Variants in MMRN1 observed in about 807,000 individuals in gnomAD.
MMRN1 encodes the protein multimerin 1.
A neutral mutation model predicts 100.7 loss-of-function variants in MMRN1; 94 were observed. That is an observed-to-expected ratio of 0.93 (90% CI 0.79 to 1.11). The LOEUF (loss-of-function observed/expected upper bound fraction) is 1.11. Among genes scored for constraint, MMRN1 ranks in the 50% least tolerant of loss-of-function variants. The pLI is 0.00. For missense variants in MMRN1, 1,606 were observed against 1,439.1 expected, an observed-to-expected ratio of 1.12 and a Z score of -1.88; for synonymous variants, 575 against 505.0, an observed-to-expected ratio of 1.14 and a Z score of -1.86.
At position 89,953,123 on chromosome 4, in the gene MMRN1, C is replaced by A. The variant is rs1022503464; in HGVS notation, c.3392C>A (p.Thr1131Asn). 1 of 1,613,770 alleles carries A rather than the reference C, an allele frequency of 6.2e-7. No individual in the cohort carries two copies. Among genetic ancestry groups the A allele is most frequent in the Middle Eastern group, 1.7e-4 (1 of 6,058 alleles). The change falls in exon 8 of 8, where the codon ACC becomes AAC. Residue 1131 changes from threonine to asparagine, a missense_variant. By Grantham distance (65) the Thr-to-Asn change is moderately conservative. Transcript: ENST00000264790. ...NLDVNYGASY[T>N]PRTGKFRIPY... is the part of the protein sequence containing the mutation. ...GATGTCAATTATGGAGCTTCATATA[C>A]CCCAAGAACTGGAAAATTTAGAATT...
At position 89,935,766 on chromosome 4, in the gene MMRN1, A is replaced by G. The variant is rs748810042; in HGVS notation, c.2086A>G (p.Thr696Ala). 1 of 1,612,296 alleles carries G rather than the reference A, an allele frequency of 6.2e-7. No individual in the cohort carries two copies. Among genetic ancestry groups the G allele is most frequent in the Non-Finnish European group, 8.5e-7 (1 of 1,179,420 alleles). The stretch of plus-strand genomic sequence containing the variant: ...TCTAAATTTTATTATCAAAGAACTT[A>G]CAAAAAGACACAACTTACTTAGAAA... Reference protein sequence around the residue: ...NSLNFIIKELTKRHNLLRNEV... With the variant: ...NSLNFIIKELAKRHNLLRNEV... Residue 696 changes from threonine (T) to alanine (A), a missense_variant, in exon 6 of 8, where the codon ACA (threonine) becomes GCA (alanine). By Grantham distance (58) the Thr-to-Ala change is moderately conservative. Coordinates refer to ENST00000264790, the MANE Select transcript of MMRN1 (RefSeq NM_007351.3).
In MMRN1 at chr4:89,924,365, T is replaced by A. The variant is rs1486615408; in HGVS notation, c.955+1093T>A. Among the ~76,000 whole-genome samples the A allele has an allele frequency of 7.9e-5, 12 of 152,148 alleles. 1 individual carries two copies. Among genetic ancestry groups the A allele is most frequent in the Admixed American group, 7.9e-4 (12 of 15,268 alleles). On this transcript the variant is annotated intron_variant, in intron 4 of 7. Transcript: ENST00000264790. ...GTTAAAACATTTTAGAAATCTAAGC[T>A]ATTATACTACTCTTTACAAATTTCT...
At chr4:89,884,234 A>G (rs1720884382) in intron 1 of MMRN1, among the ~76,000 whole-genome samples, 1 of 152,150 alleles carries the variant, frequency 6.6e-6, no homozygotes, top group African/African-American at 2.4e-5. Flanking sequence ...AATTTAATCA[A>G]CAAAAATCTG....
At position 89,948,697 on chromosome 4, in the gene MMRN1, T is replaced by C. The variant is rs562384927; in HGVS notation, c.3119-2908T>C. 1.7e-4 allele frequency among the ~76,000 whole-genome samples: 26 copies of C among 152,324 alleles called. No individual in the cohort carries two copies. In the East Asian group the frequency reaches 5.0e-3, roughly 29 times the overall value. ...ACAATATGTCCAGTTCTGGGTGCCA[T>C]GGACATGATTTTATATTTTAAAATG... is the stretch of plus-strand genomic sequence containing the variant. On this transcript the variant is annotated intron_variant, in intron 6 of 7. Transcript: ENST00000264790.
At chr4:89,894,812 T>C, upstream of MMRN1, 1 of 1,314,278 alleles carries the variant, frequency 7.6e-7, no homozygotes, top group Non-Finnish European at 1.0e-6. Flanking sequence ...GAAACCGAAC[T>C]TCCTGAGTAC....
At chr4:89,906,220 G>A (rs1721559842) in intron 1 of MMRN1, among the ~76,000 whole-genome samples, 1 of 151,430 alleles carries the variant, frequency 6.6e-6, no homozygotes, top group African/African-American at 2.4e-5. Flanking sequence ...TATTTATGAT[G>A]CCTTCTCTTA....
In MMRN1 at chr4:89,895,206, C is replaced by G. The variant is rs778273336; in HGVS notation, c.235C>G (p.Leu79Val). ...PEARTSEDSLLKSTLPPSETS... is the reference protein window; with the variant it reads ...PEARTSEDSLVKSTLPPSETS... ...GGCAAGAACTTCTGAAGACAGTCTT[C>G]TTAAATCAACACTGCCTCCCTCAGA... The change falls in exon 1 of 8, where the codon CTT becomes GTT. Residue 79 changes from leucine (L) to valine (V), a missense_variant. Transcript: ENST00000264790. 5.0e-6 allele frequency: 8 copies of G among 1,613,722 alleles called. No homozygotes were observed. Among genetic ancestry groups the G allele is most frequent in the Non-Finnish European group, 6.8e-6 (8 of 1,179,908 alleles).
chr4:89,934,127 TTTCTC>T (rs1443818162), intron 5 of MMRN1, among the ~76,000 whole-genome samples: 1 of 152,076 alleles, frequency 6.6e-6, no homozygotes, highest in Non-Finnish European at 1.5e-5. Flanking sequence ...ACTTGCAAGT[TTTCTC>T]TTCTCTTTTT....
In MMRN1 at chr4:89,935,264, C is replaced by T; in HGVS notation, c.1584C>T (p.Asp528=). ...EQLLSTEQVS[D]QKNAPAAESV... ...TTTTATCAACTGAACAGGTATCAGA[C>T]CAGAAGAATGCTCCAGCTGCTGAGT... is the stretch of plus-strand genomic sequence containing the variant. The change falls in exon 6 of 8, where the codon GAC becomes GAT. Residue 528 remains aspartate, a synonymous_variant. Transcript: ENST00000264790. 1.2e-6 allele frequency: 2 copies of T among 1,613,706 alleles called. No individual in the cohort carries two copies. Among genetic ancestry groups the T allele is most frequent in the Non-Finnish European group, 1.7e-6 (2 of 1,179,770 alleles).
At chr4:89,880,848 G>A (rs1221272343) in intron 1 of MMRN1, among the ~76,000 whole-genome samples, 1 of 152,060 alleles carries the variant, frequency 6.6e-6, no homozygotes, top group African/African-American at 2.4e-5. Context: ...CCTGACAGCA[G>A]GGATGTTAAA....
At chr4:89,911,834 A>G in intron 2 of MMRN1, 110 bp from the exon 3 acceptor site, 1 of 665,466 alleles carries the variant, frequency 1.5e-6, no homozygotes, top group Non-Finnish European at 2.6e-6. Context: ...TACTAAATAA[A>G]TGCTTGTTAT....
intron 1 of MMRN1, among the ~76,000 whole-genome samples, chr4:89,899,797 C>A (rs992628391): frequency 1.1e-4 from 17 of 151,904 alleles, no homozygotes; most frequent in African/African-American, 4.1e-4. Flanking sequence ...CTTGTTACAC[C>A]TCTAATACAT....
At chr4:89,934,025 T>A (rs1046741149) in intron 5 of MMRN1, among the ~76,000 whole-genome samples, 1 of 152,052 alleles carries the variant, frequency 6.6e-6, no homozygotes, top group African/African-American at 2.4e-5. Flanking sequence ...TTCCTGTTCC[T>A]TTTTTTCATG....
chr4:89,903,217 T>A (rs897638626), intron 1 of MMRN1, among the ~76,000 whole-genome samples: 1 of 151,894 alleles, frequency 6.6e-6, no homozygotes, highest in Non-Finnish European at 1.5e-5. Context: ...ATTATAGTCT[T>A]TCAAATTAAT....
chr4:89,909,751 T>C (rs543208383), intron 2 of MMRN1, among the ~76,000 whole-genome samples: 33 of 151,618 alleles, frequency 2.2e-4, no homozygotes, highest in African/African-American at 6.3e-4. Flanking sequence ...TGCACAGTTT[T>C]GAAGATTTAT....
In MMRN1 at chr4:89,953,109, T is replaced by A; in HGVS notation, c.3378T>A (p.Tyr1126Ter). Residue 1126 changes from tyrosine (Y) to a stop codon, truncating the protein, a stop_gained, in exon 8 of 8, where the codon TAT becomes TAA. Transcript: ENST00000264790. LOFTEE classifies it high-confidence loss of function. ...PILFNNLDVNYGASYTPRTGK... is the reference protein window; with the variant it reads ...PILFNNLDVN ...TGTTTAATAACTTGGATGTCAATTA[T>A]GGAGCTTCATATACCCCAAGAACTG... The A allele has an allele frequency of 6.2e-7, 1 of 1,613,918 alleles. No individual in the cohort carries two copies. The highest frequency in any genetic ancestry group is 8.5e-7 in the Non-Finnish European group (1 of 1,179,874).
chr4:89,935,321 T>C lies in MMRN1; in HGVS notation c.1641T>C (p.Ser547=). 1 of 1,613,652 alleles carries C rather than the reference T, an allele frequency of 6.2e-7. No homozygotes were observed. The change falls in exon 6 of 8, where the codon TCT becomes TCC. Residue 547 remains serine, a synonymous_variant. Coordinates refer to ENST00000264790, the MANE Select transcript of MMRN1 (RefSeq NM_007351.3). ...SVSNNVTEYM[S]TLHENIKKQS... is the part of the protein sequence containing the mutation. ...GCAATAATGTCACTGAGTACATGTC[T>C]ACTTTACATGAAAATATAAAGAAGC...
chr4:89,927,756 A>C (rs1722306251), intron 4 of MMRN1, 39 bp from the exon 5 acceptor site: 1 of 1,574,416 alleles, frequency 6.4e-7, no homozygotes, highest in Admixed American at 1.9e-5. Flanking sequence ...GGGTCAAAAT[A>C]TATTTTTTAA....
At chr4:89,883,349 C>T (rs1429801609) in intron 1 of MMRN1, among the ~76,000 whole-genome samples, 1 of 151,992 alleles carries the variant, frequency 6.6e-6, no homozygotes, top group African/African-American at 2.4e-5. Context: ...TTTTATTCTA[C>T]CTGAAACGTA....
Sources: gnomAD v4.1 joint callset for allele counts (sites outside exome capture counted in the v4.1 genomes callset) on GRCh38, gnomAD v4.1.1 for gene constraint, MANE v1.5 for transcripts, NCBI Gene and HGNC (gene_info 2026-07-23, HGNC 2026-07-21) for gene names.